AP4E1: variants seen among roughly 807,000 people sequenced by gnomAD.
The protein encoded by AP4E1 is AP-4 complex subunit epsilon-1.
A neutral mutation model predicts 128.2 loss-of-function variants in AP4E1; 56 were observed. The ratio of observed to expected loss-of-function variants is 0.44; its 90% CI spans 0.35 to 0.55. The LOEUF (loss-of-function observed/expected upper bound fraction) is 0.55, where lower values mean the gene tolerates loss of function less well. Ranked by LOEUF, AP4E1 falls within the 20% of genes least tolerant of loss-of-function variation. AP4E1 has a pLI of 0.00. For synonymous variants in AP4E1, 484 were observed against 473.1 expected (o/e 1.02, Z -0.30); for missense variants, 1,324 against 1,307.7 (o/e 1.01, Z -0.19).
upstream of AP4E1, chr15:50,908,431 AG>A (rs2063520668): frequency 4.9e-6 from 1 of 203,654 alleles, no homozygotes; most frequent in Admixed American, 6.1e-5. Flanking sequence ...CTAGTGGGAA[AG>A]GGGGACTCTG....
chr15:50,923,887 G>A (rs1308315796), intron 3 of AP4E1, 44 bp from the exon 4 acceptor site: 1 of 1,458,462 alleles, frequency 6.9e-7, no homozygotes, highest in African/African-American at 1.4e-5. Context: ...TGAAAAGTCT[G>A]TTTTTGGTAG....
At chr15:50,989,859 A>G (rs2064780355) in intron 16 of AP4E1, among the ~76,000 whole-genome samples, 1 of 152,158 alleles carries the variant, frequency 6.6e-6, no homozygotes, top group Admixed American at 6.5e-5. Flanking sequence ...TGTGAAATGG[A>G]AGATAAGGGA....
intron 5 of AP4E1, among the ~76,000 whole-genome samples, chr15:50,926,300 C>T (rs2063769184): frequency 6.6e-6 from 1 of 151,816 alleles, no homozygotes; most frequent in Middle Eastern, 3.2e-3. Context: ...CCATGCCCAG[C>T]TAATTTTTTG....
chr15:50,954,855 C>G (rs1008301686), intron 13 of AP4E1, among the ~76,000 whole-genome samples: 3 of 152,142 alleles, frequency 2.0e-5, no homozygotes, highest in Non-Finnish European at 4.4e-5. Flanking sequence ...TCCCCCTACC[C>G]CACAACAGGC....
intron 11 of AP4E1, among the ~76,000 whole-genome samples, chr15:50,949,066 G>C (rs531856045): frequency 2.2e-4 from 34 of 151,934 alleles, no homozygotes; most frequent in African/African-American, 8.2e-4. Flanking sequence ...GTGTAGTTTT[G>C]TCCTAGTCAG....
chr15:50,983,010 CTG>C (rs2064663736), intron 15 of AP4E1, among the ~76,000 whole-genome samples: 1 of 152,126 alleles, frequency 6.6e-6, no homozygotes, highest in African/African-American at 2.4e-5. Flanking sequence ...ATAATCTAGA[CTG>C]TTCAAAATTT....
upstream of AP4E1, chr15:50,908,516 A>T (rs1377182527): frequency 2.5e-6 from 1 of 393,568 alleles, no homozygotes; most frequent in African/African-American, 2.1e-5. Flanking sequence ...GGATTCCGGA[A>T]CCGCTACCCC....
At chr15:50,983,901 C>CT in intron 15 of AP4E1, 121 bp from the exon 16 acceptor site, 1 of 951,754 alleles carries the variant, frequency 1.1e-6, no homozygotes, top group South Asian at 1.4e-5. Flanking sequence ...CCTCAAAGTC[C>CT]TTTAGAGTTT....
chr15:50,972,059 G>T (rs950982881), intron 15 of AP4E1, among the ~76,000 whole-genome samples: 7 of 152,082 alleles, frequency 4.6e-5, no homozygotes, highest in African/African-American at 1.7e-4. Context: ...TATGAATCTG[G>T]TGGAAAAGTT....
chr15:50,950,827 G>A (rs2064138431), intron 13 of AP4E1, among the ~76,000 whole-genome samples: 1 of 152,056 alleles, frequency 6.6e-6, no homozygotes, highest in South Asian at 2.1e-4. Context: ...TGTGTCCTAT[G>A]TTCTCATTGT....
At chr15:50,952,128 G>A (rs563348198) in intron 13 of AP4E1, among the ~76,000 whole-genome samples, 89 of 152,212 alleles carry the variant, frequency 5.8e-4, no homozygotes, top group African/African-American at 1.8e-3. Context: ...GTTTAGAATT[G>A]AATTGCAGAC....
chr15:50,999,340 C>T, intron 19 of AP4E1, 78 bp downstream of exon 19: 5 of 1,266,986 alleles, frequency 3.9e-6, no homozygotes, highest in Non-Finnish European at 5.6e-6. Context: ...GATGGAGGCA[C>T]TATGTTGGGT....
At chr15:50,952,970 T>A (rs557864746) in intron 13 of AP4E1, among the ~76,000 whole-genome samples, 7 of 152,230 alleles carry the variant, frequency 4.6e-5, no homozygotes, top group African/African-American at 1.7e-4. Flanking sequence ...ATGCCTGTCA[T>A]CCCAGCACTT....
At chr15:50,920,948 G>A (rs1030303672) in intron 3 of AP4E1, among the ~76,000 whole-genome samples, 1 of 151,932 alleles carries the variant, frequency 6.6e-6, no homozygotes, top group Admixed American at 6.6e-5. Context: ...ACAGGTGCCC[G>A]CCTGCCATCA....
rs930897200 is a variant in AP4E1, at chr15:50,950,292, A to G, written c.1548+123A>G. 1.2e-4 allele frequency: 78 copies of G among 650,732 alleles called. 1 individual carries two copies. In the East Asian group the frequency reaches 2.2e-3, roughly 18 times the overall value. 40.3% of individuals were successfully genotyped at this position (650,732 alleles called of 1,614,324 possible). Reference sequence around the variant, plus strand: ...AACTCCTTCAGCTGTCAATTTTTCAAATGGCCACCATCTATCACTTAACTA... The same window carrying G: ...AACTCCTTCAGCTGTCAATTTTTCAGATGGCCACCATCTATCACTTAACTA... On this transcript the variant is annotated intron_variant, in intron 13 of 20. Transcript: ENST00000261842.
At chr15:50,910,334 T>C (rs1355400469) in intron 1 of AP4E1, among the ~76,000 whole-genome samples, 1 of 152,236 alleles carries the variant, frequency 6.6e-6, no homozygotes, top group East Asian at 1.9e-4. Flanking sequence ...GATTCACAGC[T>C]ACAAGGAGTT....
chr15:50,941,857 G>A, intron 10 of AP4E1, 82 bp downstream of exon 10: 1 of 971,402 alleles, frequency 1.0e-6, no homozygotes, highest in Non-Finnish European at 1.6e-6. Context: ...AGATTAAAGT[G>A]GTGGGCAGTG....
chr15:50,974,589 A>C (rs2064527122), intron 15 of AP4E1, among the ~76,000 whole-genome samples: 1 of 151,760 alleles, frequency 6.6e-6, no homozygotes, highest in Non-Finnish European at 1.5e-5. Flanking sequence ...TTTTTGAGGA[A>C]CCTCCATACT....
At chr15:50,909,051 T>C in intron 1 of AP4E1, 123 bp downstream of exon 1, 2 of 1,451,824 alleles carry the variant, frequency 1.4e-6, no homozygotes. Flanking sequence ...GCTCAGGGGC[T>C]GCTGTGTCGG....
Sources: allele counts gnomAD v4.1 joint callset (sites outside exome capture counted in the v4.1 genomes callset), GRCh38; gene constraint gnomAD v4.1.1; transcripts MANE v1.5; gene names NCBI Gene and HGNC (gene_info 2026-07-23, HGNC 2026-07-21).